The following DYNC1LI2 variants were observed in gnomAD, a reference collection of about 807,000 sequenced individuals.
DYNC1LI2 encodes the protein cytoplasmic dynein 1 light intermediate chain 2.
DYNC1LI2 carries 19 observed loss-of-function variants against 57.8 expected under a neutral mutation model. The observed-to-expected ratio is 0.33, with a 90% CI of 0.23 to 0.48. The LOEUF (loss-of-function observed/expected upper bound fraction) is 0.48, where lower values mean the gene tolerates loss of function less well. Ranked by LOEUF, DYNC1LI2 falls within the 20% of genes least tolerant of loss-of-function variation. The probability of loss-of-function intolerance (pLI) is 0.99; values close to 1 mark genes in which losing one functional copy is unlikely to be tolerated. For missense variants in DYNC1LI2, 470 were observed against 604.2 expected (o/e 0.78, Z 2.33); for synonymous variants, 256 against 233.4 (o/e 1.10, Z -0.88).
At chr16:66,735,203 A>C (rs1474584794) in intron 5 of DYNC1LI2, among the ~76,000 whole-genome samples, 2 of 150,880 alleles carry the variant, frequency 1.3e-5, no homozygotes, top group Non-Finnish European at 3.0e-5. Flanking sequence ...TCCCAGCTCA[A>C]GCAATTCTCC....
chr16:66,733,824 G>C (rs375778530), intron 6 of DYNC1LI2: 102 of 188,944 alleles, frequency 5.4e-4, no homozygotes, highest in Middle Eastern at 2.5e-3. Context: ...CTGCACCACT[G>C]TACTCCAGCC....
intron 5 of DYNC1LI2, among the ~76,000 whole-genome samples, chr16:66,735,655 C>T (rs2017720940): frequency 6.6e-6 from 1 of 151,940 alleles, no homozygotes; most frequent in Non-Finnish European, 1.5e-5. Flanking sequence ...TACAGGTGCC[C>T]GCCACCACGG....
intron 4 of DYNC1LI2, among the ~76,000 whole-genome samples, chr16:66,740,595 A>C (rs2017819190): frequency 6.6e-6 from 1 of 152,096 alleles, no homozygotes; most frequent in Non-Finnish European, 1.5e-5. Flanking sequence ...CCTCCTTATA[A>C]CCAAACTGAA....
In DYNC1LI2 at chr16:66,729,194, T is replaced by A. The variant is rs921956795; in HGVS notation, c.1042-95A>T. The A allele has an allele frequency of 1.0e-5, 14 of 1,337,546 alleles. No individual in the cohort carries two copies. The African/African-American group carries it at 1.9e-4, about 18-fold the overall frequency. The allele number at this position is 1,337,546 out of a possible 1,614,324, so 82.9% of individuals were successfully genotyped here. On this transcript the variant is annotated intron_variant, in intron 8 of 12. Transcript: ENST00000258198. Reference sequence around the variant, plus strand: ...GAAAGGAGAGTCCGAGGCTCAGGCTTCAACACAGGTCTGGGAGATCCCTAC... The same window carrying A: ...GAAAGGAGAGTCCGAGGCTCAGGCTACAACACAGGTCTGGGAGATCCCTAC...
In DYNC1LI2 at chr16:66,751,384, G is replaced by A. The variant is rs780460724; in HGVS notation, c.108-38C>T. 11 of 1,602,336 alleles carry A rather than the reference G, an allele frequency of 6.9e-6. No homozygotes were observed. Among genetic ancestry groups the A allele is most frequent in the Admixed American group, 5.1e-5 (3 of 59,134 alleles). Reference sequence around the variant, plus strand: ...TGGCAAGAGTGGTCAGCCCCGGGCCGGGCTGGGATGGCCCGGCTCGCGTCG... The same window carrying A: ...TGGCAAGAGTGGTCAGCCCCGGGCCAGGCTGGGATGGCCCGGCTCGCGTCG... On this transcript the variant is annotated intron_variant, in intron 1 of 12. Transcript: ENST00000258198. The surrounding 1 kb of genome is among the most constrained non-coding windows in gnomAD (Gnocchi z 5.2).
chr16:66,723,082 A>T lies in DYNC1LI2; in HGVS notation c.*640T>A, dbSNP rs2017476308. The T allele has an allele frequency of 5.9e-6, 2 of 337,932 alleles. No individual in the cohort carries two copies. Among genetic ancestry groups the T allele is most frequent in the Admixed American group, 7.8e-5 (2 of 25,506 alleles). The allele number at this position is 337,932 out of a possible 1,614,324, so 20.9% of individuals were successfully genotyped here. A position where few individuals can be genotyped will look rare whatever the true frequency, so the allele number is the denominator to read the frequency against. ...GCCTGACTCAGGCACCCCCACAATT[A>T]GTACATCTTTCGTAAGTTAAAGATG... On this transcript the variant is annotated 3_prime_UTR_variant, in exon 13 of 13. Transcript: ENST00000258198.
Position 66,734,210 on chromosome 16 carries a change from A to G in DYNC1LI2, c.793+8T>C. ...TGACCCAGGCCCCACACAGCGCCCA[A>G]AGGATACACTGAAGGCAGAACCTCC... On this transcript the variant is annotated splice_region_variant and intron_variant, in intron 6 of 12. Transcript: ENST00000258198. 6.2e-7 allele frequency: 1 copy of G among 1,613,958 alleles called. No homozygotes were observed.
rs1184501423 is a variant in DYNC1LI2 at position 66,727,759 on chromosome 16, C to T, written c.1190G>A (p.Arg397Gln). 4.3e-6 allele frequency: 7 copies of T among 1,613,944 alleles called. No individual in the cohort carries two copies. Among genetic ancestry groups the T allele is most frequent in the Non-Finnish European group, 5.1e-6 (6 of 1,179,998 alleles). The change falls in exon 11 of 13, where the codon CGG (arginine) becomes CAG (glutamine). Residue 397 changes from arginine to glutamine, a missense_variant. Transcript: ENST00000258198. ...GPSGSPRTQG[R>Q]GGPASVPSSS... ...GCTAGGCACACTGGCTGGCCCTCCCCGACCCTGGGTCCTTGGAGAGCCAGA... is the reference window on the plus strand; with the variant it reads ...GCTAGGCACACTGGCTGGCCCTCCCTGACCCTGGGTCCTTGGAGAGCCAGA...
intron 3 of DYNC1LI2, among the ~76,000 whole-genome samples, chr16:66,747,031 C>G (rs867717120): frequency 6.6e-6 from 1 of 152,010 alleles, no homozygotes; most frequent in Non-Finnish European, 1.5e-5. Flanking sequence ...AGATGAGTAC[C>G]CAAATGCCTC....
At chr16:66,739,667 T>C (rs138692546) in intron 4 of DYNC1LI2, among the ~76,000 whole-genome samples, 48 of 152,264 alleles carry the variant, frequency 3.2e-4, no homozygotes, top group African/African-American at 1.1e-3. Flanking sequence ...TCTCAACCAA[T>C]TGGCCCACTT....
At chr16:66,737,176 T>C (rs569028730) in intron 4 of DYNC1LI2, among the ~76,000 whole-genome samples, 1 of 152,160 alleles carries the variant, frequency 6.6e-6, no homozygotes, top group Non-Finnish European at 1.5e-5. Flanking sequence ...GGACTCGTGC[T>C]AAGGCATGAG....
rs1442597766 is a variant in DYNC1LI2, at chr16:66,726,039, C to T, written c.1262-95G>A. On this transcript the variant is annotated intron_variant, in intron 11 of 12. Coordinates refer to ENST00000258198, the MANE Select transcript of DYNC1LI2 (RefSeq NM_006141.3). Reference sequence around the variant, plus strand: ...TCAGCTTGGCATTAGCCACTTGTGGCTATCAGCTTCCTAGGATATTGATAA... The same window carrying T: ...TCAGCTTGGCATTAGCCACTTGTGGTTATCAGCTTCCTAGGATATTGATAA... 6.3e-6 allele frequency: 8 copies of T among 1,269,704 alleles called. No individual in the cohort carries two copies. In the East Asian group the frequency reaches 1.6e-4, roughly 26 times the overall value. 78.7% of individuals were successfully genotyped at this position (1,269,704 alleles called of 1,614,324 possible).
intron 12 of DYNC1LI2, among the ~76,000 whole-genome samples, chr16:66,725,450 TG>T (rs1339999568): frequency 6.6e-6 from 1 of 152,112 alleles, no homozygotes; most frequent in Non-Finnish European, 1.5e-5. Flanking sequence ...CACTCCAGCC[TG>T]GGCAACAAGA....
At chr16:66,730,692 A>C (rs1442175961) in intron 7 of DYNC1LI2, 2 of 153,540 alleles carry the variant, frequency 1.3e-5, no homozygotes, top group Non-Finnish European at 2.9e-5. Context: ...AGACTGGTTC[A>C]TTAACTTTGC....
chr16:66,723,891 G>A, intron 12 of DYNC1LI2, 69 bp from the exon 13 acceptor site: 1 of 1,358,576 alleles, frequency 7.4e-7, no homozygotes, highest in Non-Finnish European at 1.0e-6. Context: ...TTTTAAAGGA[G>A]CATTTAAAAT....
rs1440110550 is a variant in DYNC1LI2, at chr16:66,720,920, T to G, written c.*2802A>C. 6.6e-6 allele frequency: 1 copy of G among 152,640 alleles called. No homozygotes were observed. The highest frequency in any genetic ancestry group is 1.5e-5 in the Non-Finnish European group (1 of 68,044). The allele number at this position is 152,640 out of a possible 1,614,324, so 9.5% of individuals were successfully genotyped here. ...GTAAGCAGTCTGGATTCGTGTTTATTGAAGCCAGTAATTAGAGACATCTTT... is the reference window on the plus strand; with the variant it reads ...GTAAGCAGTCTGGATTCGTGTTTATGGAAGCCAGTAATTAGAGACATCTTT... On this transcript the variant is annotated 3_prime_UTR_variant, in exon 13 of 13. Transcript: ENST00000258198.
chr16:66,741,061 AACCTGGT>A (rs2017827677), intron 4 of DYNC1LI2, among the ~76,000 whole-genome samples: 1 of 151,946 alleles, frequency 6.6e-6, no homozygotes, highest in Admixed American at 6.5e-5. Context: ...CAGCACCTAG[AACCTGGT>A]ACCTGGTACA....
chr16:66,749,184 A>G lies in DYNC1LI2; in HGVS notation c.298+13T>C, dbSNP rs1426972518. 17 of 1,613,796 alleles carry G rather than the reference A, an allele frequency of 1.1e-5. No individual in the cohort carries two copies. Among genetic ancestry groups the G allele is most frequent in the East Asian group, 6.7e-5 (3 of 44,876 alleles). ...CATACACCCCCTTACCATGGGACCA[A>G]TGCTTCACTCACCATCTCGGTCCTC... On this transcript the variant is annotated intron_variant, in intron 3 of 12. Transcript: ENST00000258198.
At chr16:66,749,617 G>A (rs903521726) in intron 2 of DYNC1LI2, among the ~76,000 whole-genome samples, 8 of 152,174 alleles carry the variant, frequency 5.3e-5, no homozygotes, top group East Asian at 3.9e-4. Flanking sequence ...ACATGCATTC[G>A]GAGAAGTGAA....
Sources: allele counts gnomAD v4.1 joint callset (sites outside exome capture counted in the v4.1 genomes callset), GRCh38; gene constraint gnomAD v4.1.1; non-coding constraint Gnocchi (gnomAD v3.1); transcripts MANE v1.5; gene names NCBI Gene and HGNC (gene_info 2026-07-23, HGNC 2026-07-21).